The following GALNT13 variants were observed in gnomAD, a reference collection of about 807,000 sequenced individuals.
GALNT13 encodes the protein polypeptide N-acetylgalactosaminyltransferase 13.
Under a neutral mutation model 64.2 loss-of-function variants are expected in GALNT13, and 28 were observed. The ratio of observed to expected loss-of-function variants is 0.44; its 90% CI spans 0.32 to 0.60. GALNT13 has a LOEUF of 0.60. Among genes scored for constraint, GALNT13 ranks in the 20% least tolerant of loss-of-function variants. The pLI is 0.05. For synonymous variants in GALNT13, 214 were observed against 224.6 expected (o/e 0.95, Z 0.42); for missense variants, 577 against 669.8 (o/e 0.86, Z 1.53).
At chr2:153,125,892 A>G in the GALNT13 span, among the ~76,000 whole-genome samples, 2 of 152,150 alleles carry the variant, frequency 1.3e-5, no homozygotes, top group East Asian at 1.9e-4. Flanking sequence ...TATGTAGAGT[A>G]TAGTCATTTG....
Position 154,125,940 on chromosome 2 carries a change from C to T in GALNT13, c.143-14397C>T, listed in dbSNP as rs117503275. Reference sequence around the variant, plus strand: ...CTCAGATTCTTTCTTACAAAGGGTACAATCTACCTTCTGTAATACCTCAGC... The same window carrying T: ...CTCAGATTCTTTCTTACAAAGGGTATAATCTACCTTCTGTAATACCTCAGC... On this transcript the variant is annotated intron_variant, in intron 3 of 12. Coordinates refer to ENST00000392825, the MANE Select transcript of GALNT13 (RefSeq NM_052917.4). Among the ~76,000 whole-genome samples the T allele has an allele frequency of 2.4e-3, 366 of 152,202 alleles. 9 individuals are homozygous for T. The East Asian group carries it at 0.055, about 23-fold the overall frequency.
At chr2:153,304,891 A>G in the GALNT13 span, among the ~76,000 whole-genome samples, 1 of 152,194 alleles carries the variant, frequency 6.6e-6, no homozygotes, top group East Asian at 1.9e-4. Flanking sequence ...GGCTGGAGAT[A>G]GAAGGCACAT....
chr2:153,372,842 T>C, the GALNT13 span, among the ~76,000 whole-genome samples: 1 of 152,192 alleles, frequency 6.6e-6, no homozygotes, highest in Non-Finnish European at 1.5e-5. Context: ...ACCATCATGC[T>C]GGTATTGATG....
intron 7 of GALNT13, among the ~76,000 whole-genome samples, chr2:154,254,481 T>C (rs1690259844): frequency 6.6e-6 from 1 of 152,142 alleles, no homozygotes; most frequent in Non-Finnish European, 1.5e-5. Flanking sequence ...CCAGATCCTC[T>C]CAGCATCTAG....
the GALNT13 span, among the ~76,000 whole-genome samples, chr2:153,719,522 G>C: frequency 2.6e-5 from 4 of 152,184 alleles, no homozygotes; most frequent in Admixed American, 1.3e-4. Flanking sequence ...CAGAAGACGG[G>C]TGATTTCTGC....
At chr2:153,606,047 T>G in the GALNT13 span, among the ~76,000 whole-genome samples, 1 of 152,050 alleles carries the variant, frequency 6.6e-6, no homozygotes, top group Non-Finnish European at 1.5e-5. Flanking sequence ...TTTATACTCT[T>G]TAGTATATCT....
chr2:154,294,958 G>A lies in GALNT13; in HGVS notation c.976-6451G>A, dbSNP rs558051567. On this transcript the variant is annotated intron_variant, in intron 8 of 12. Coordinates refer to ENST00000392825, the MANE Select transcript of GALNT13 (RefSeq NM_052917.4). ...AAGGTCAGAATGGCCTCCTGGCTAC[G>A]GCAGTTTTTTCAGTTGCCAACTTGA... Among the ~76,000 whole-genome samples the A allele has an allele frequency of 6.6e-5, 10 of 152,274 alleles. No individual in the cohort carries two copies. In the East Asian group the frequency reaches 1.4e-3, roughly 21 times the overall value.
the GALNT13 span, among the ~76,000 whole-genome samples, chr2:153,435,090 C>T: frequency 1.3e-5 from 2 of 152,264 alleles, no homozygotes; most frequent in South Asian, 2.1e-4. Context: ...ATAGGGGATC[C>T]TTTCCCCATT....
chr2:153,335,878 C>T, the GALNT13 span, among the ~76,000 whole-genome samples: 2 of 152,184 alleles, frequency 1.3e-5, no homozygotes, highest in Non-Finnish European at 2.9e-5. Flanking sequence ...GTTTTGTGGG[C>T]TGGGCCCAGG....
chr2:153,951,247 C>T (rs1385262842), intron 3 of GALNT13, among the ~76,000 whole-genome samples: 1 of 151,984 alleles, frequency 6.6e-6, no homozygotes, highest in African/African-American at 2.4e-5. Context: ...GAATAAGATA[C>T]ACTGAATGGA....
the GALNT13 span, among the ~76,000 whole-genome samples, chr2:153,202,318 C>T: frequency 1.3e-5 from 2 of 152,138 alleles, no homozygotes; most frequent in African/African-American, 4.8e-5. Flanking sequence ...CTTTCCCTGC[C>T]TTCTTCATTC....
At chr2:154,221,222 A>C (rs530580110) in intron 4 of GALNT13, among the ~76,000 whole-genome samples, 1 of 152,156 alleles carries the variant, frequency 6.6e-6, no homozygotes, top group East Asian at 1.9e-4. Flanking sequence ...AAAATGCAAA[A>C]ATGAGAGCCT....
chr2:154,127,441 C>T (rs1324956378), intron 3 of GALNT13, among the ~76,000 whole-genome samples: 6 of 151,930 alleles, frequency 3.9e-5, no homozygotes, highest in Non-Finnish European at 8.8e-5. Flanking sequence ...GCAGAATCTT[C>T]AGAAGTAAAT....
intron 2 of GALNT13, among the ~76,000 whole-genome samples, chr2:153,912,343 T>G (rs1689000717): frequency 6.6e-6 from 1 of 152,212 alleles, no homozygotes; most frequent in African/African-American, 2.4e-5. Context: ...AGATTGGGTT[T>G]CAGTGTTTTC....
At chr2:153,452,463 G>A in the GALNT13 span, among the ~76,000 whole-genome samples, 3 of 151,906 alleles carry the variant, frequency 2.0e-5, no homozygotes, top group South Asian at 6.2e-4. Flanking sequence ...AGGAAACCGA[G>A]TGAGACTCTA....
the GALNT13 span, among the ~76,000 whole-genome samples, chr2:153,860,717 C>T: frequency 0.89 from 134,849 of 152,142 alleles, 60,547 homozygotes; most frequent in Non-Finnish European, 0.94. Context: ...CGGGCTCTCA[C>T]TAAGTGGGAG....
At chr2:153,692,752 C>CATG in the GALNT13 span, among the ~76,000 whole-genome samples, 34 of 152,062 alleles carry the variant, frequency 2.2e-4, no homozygotes, top group African/African-American at 8.2e-4. Flanking sequence ...CTTGTCATTC[C>CATG]ACATATATTG....
chr2:153,428,046 C>T, the GALNT13 span, among the ~76,000 whole-genome samples: 2 of 152,146 alleles, frequency 1.3e-5, no homozygotes, highest in African/African-American at 4.8e-5. Flanking sequence ...AAAAGTAAGA[C>T]ATGCATTCAA....
the GALNT13 span, among the ~76,000 whole-genome samples, chr2:153,659,872 GC>G: frequency 1.3e-5 from 2 of 152,042 alleles, no homozygotes; most frequent in Non-Finnish European, 2.9e-5. Context: ...GAATAACTAA[GC>G]CAACAACCAG....
Sources: allele counts gnomAD v4.1 joint callset (sites outside exome capture counted in the v4.1 genomes callset), GRCh38; gene constraint gnomAD v4.1.1; transcripts MANE v1.5; gene names NCBI Gene and HGNC (gene_info 2026-07-23, HGNC 2026-07-21).